NRG2: variants seen among roughly 807,000 people sequenced by gnomAD.
NRG2 encodes pro-neuregulin-2, membrane-bound isoform.
In NRG2, 27 loss-of-function variants were observed where a neutral mutation model predicts 73.9. That is an observed-to-expected ratio of 0.37 (90% CI 0.27 to 0.50). The LOEUF is 0.50. NRG2 is among the 20% of genes least tolerant of loss of function. The pLI is 0.96. For synonymous variants in NRG2, 532 were observed against 541.0 expected (o/e 0.98, Z 0.23); for missense variants, 1,126 against 1,210.1 (o/e 0.93, Z 1.03).
chr5:139,899,831 A>G (rs926993825), intron 1 of NRG2, among the ~76,000 whole-genome samples: 3 of 152,332 alleles, frequency 2.0e-5, no homozygotes, highest in African/African-American at 7.2e-5. Context: ...GCCCAGAGCC[A>G]GGTGGACTGT....
intron 1 of NRG2, among the ~76,000 whole-genome samples, chr5:139,939,413 T>C (rs59552426): frequency 0.013 from 2,033 of 152,114 alleles, 71 homozygotes; most frequent in African/African-American, 0.047. Flanking sequence ...TAGCTGGGAT[T>C]ACAGGCATGA....
At chr5:139,968,833 A>G (rs1391947387) in intron 1 of NRG2, among the ~76,000 whole-genome samples, 1 of 152,218 alleles carries the variant, frequency 6.6e-6, no homozygotes, top group Non-Finnish European at 1.5e-5. Context: ...AAGGCAGCAG[A>G]CCTTTCCAAA....
chr5:139,869,183 C>T lies in NRG2; in HGVS notation c.1112+2538G>A, dbSNP rs569097524. ...CTTTTGGCACTGAATTCCAGAAAAA[C>T]AGGAGGGACGGAGTGTGCCTGCTTT... On this transcript the variant is annotated intron_variant, in intron 4 of 9. Coordinates refer to ENST00000361474, the MANE Select transcript of NRG2 (RefSeq NM_004883.3). This position sits in a 1 kb window ranked among gnomAD's most constrained non-coding sequence, Gnocchi z 4.5. Among the ~76,000 whole-genome samples the T allele has an allele frequency of 1.2e-4, 18 of 152,086 alleles. No individual in the cohort carries two copies. The South Asian group carries it at 3.5e-3, about 30-fold the overall frequency.
chr5:139,864,134 G>C (rs1351643913), intron 5 of NRG2, among the ~76,000 whole-genome samples: 2 of 152,150 alleles, frequency 1.3e-5, no homozygotes, highest in Admixed American at 1.3e-4. Context: ...GAGGAGGTCG[G>C]GGGGCACGCA....
intron 1 of NRG2, among the ~76,000 whole-genome samples, chr5:140,041,259 G>T (rs1414372384): frequency 5.3e-5 from 8 of 152,118 alleles, no homozygotes; most frequent in Non-Finnish European, 7.4e-5. Flanking sequence ...AAGTCATACC[G>T]CATGCCAACA....
At chr5:139,889,157 G>GT (rs1237400643) in intron 1 of NRG2, among the ~76,000 whole-genome samples, 5 of 152,242 alleles carry the variant, frequency 3.3e-5, no homozygotes, top group Middle Eastern at 3.4e-3. Context: ...AGTTAAAGAA[G>GT]TATCTATCAA....
intron 1 of NRG2, among the ~76,000 whole-genome samples, chr5:139,907,353 C>A (rs1371601399): frequency 6.6e-6 from 1 of 152,128 alleles, no homozygotes; most frequent in South Asian, 2.1e-4. Context: ...TTTGATGTAT[C>A]CCTCTAAGAA....
chr5:140,000,043 T>C (rs1267045705), intron 1 of NRG2, among the ~76,000 whole-genome samples: 4 of 152,194 alleles, frequency 2.6e-5, no homozygotes, highest in African/African-American at 9.7e-5. Flanking sequence ...GTAATACTCT[T>C]AGGTTTTTAA....
intron 1 of NRG2, among the ~76,000 whole-genome samples, chr5:140,036,519 T>G (rs1435002235): frequency 6.6e-6 from 1 of 152,226 alleles, no homozygotes; most frequent in Non-Finnish European, 1.5e-5. Context: ...TAAAAGTCAT[T>G]GTTCAAACTT....
chr5:139,958,161 A>C (rs1474769040), intron 1 of NRG2, among the ~76,000 whole-genome samples: 3 of 152,158 alleles, frequency 2.0e-5, no homozygotes, highest in Non-Finnish European at 4.4e-5. Flanking sequence ...CCTCAGTCTT[A>C]CAGCCTGTGA....
intron 5 of NRG2, among the ~76,000 whole-genome samples, chr5:139,858,560 C>T (rs73269500): frequency 0.053 from 8,020 of 152,188 alleles, 552 homozygotes; most frequent in African/African-American, 0.15. Context: ...AAATTCTGTT[C>T]CATAGATGTT....
chr5:139,961,747 A>AG (rs1755080494), intron 1 of NRG2, among the ~76,000 whole-genome samples: 1 of 152,180 alleles, frequency 6.6e-6, no homozygotes, highest in South Asian at 2.1e-4. Flanking sequence ...AGGTGAAAGC[A>AG]GGGCTGGCAA....
At chr5:139,991,640 G>A (rs1050044048) in intron 1 of NRG2, among the ~76,000 whole-genome samples, 1 of 151,980 alleles carries the variant, frequency 6.6e-6, no homozygotes, top group African/African-American at 2.4e-5. Context: ...CTGGTGATCT[G>A]CCCACCTCAG....
intron 1 of NRG2, among the ~76,000 whole-genome samples, chr5:140,006,276 G>A (rs865977822): frequency 2.0e-4 from 30 of 152,118 alleles, no homozygotes; most frequent in Admixed American, 4.6e-4. Flanking sequence ...GTTCAGCTTC[G>A]GTAGAAGCCT....
intron 1 of NRG2, among the ~76,000 whole-genome samples, chr5:140,021,401 T>C (rs1760211077): frequency 6.6e-6 from 1 of 152,252 alleles, no homozygotes; most frequent in Admixed American, 6.5e-5. Flanking sequence ...CTCTGAATTT[T>C]GAAGTTCTGC....
chr5:139,987,367 CA>C lies in NRG2; in HGVS notation c.700+55002del, dbSNP rs34895532. 7.5e-3 allele frequency among the ~76,000 whole-genome samples: 248 copies of C among 33,226 alleles called. 1 individual carries two copies. Among genetic ancestry groups the C allele is most frequent in the East Asian group, 0.039 (45 of 1,144 alleles). 21.8% of individuals were successfully genotyped at this position (33,226 alleles called of 152,430 possible). A position where few individuals can be genotyped will look rare whatever the true frequency, so the allele number is the denominator to read the frequency against. On this transcript the variant is annotated intron_variant, in intron 1 of 9. Coordinates refer to ENST00000361474, the MANE Select transcript of NRG2 (RefSeq NM_004883.3). ...TGGGTGACAGAGCAAGACTCTGTCT[CA>C]AAAAAAAAAAAAAAAAAAAAAAAAG...
At position 139,851,455 on chromosome 5, in the gene NRG2, T is replaced by A; in HGVS notation, c.1772+149A>T. ...CATGCCGATGGCTCTGAGCAGGCCA[T>A]TTCACCTTTTCTAGGACCTTGTTTT... On this transcript the variant is annotated intron_variant, in intron 9 of 9. Coordinates refer to ENST00000361474, the MANE Select transcript of NRG2 (RefSeq NM_004883.3). This position sits in a 1 kb window ranked among gnomAD's most constrained non-coding sequence, Gnocchi z 4.2. 1.3e-6 allele frequency: 1 copy of A among 747,170 alleles called. No individual in the cohort carries two copies. The highest frequency in any genetic ancestry group is 1.8e-5 in the South Asian group (1 of 54,812). The allele number at this position is 747,170 out of a possible 1,614,324, so 46.3% of individuals were successfully genotyped here.
intron 1 of NRG2, among the ~76,000 whole-genome samples, chr5:140,029,774 G>T (rs1021886296): frequency 2.6e-5 from 4 of 151,644 alleles, no homozygotes; most frequent in African/African-American, 9.7e-5. Flanking sequence ...CATAAATTGA[G>T]AGGAGAACCA....
intron 1 of NRG2, among the ~76,000 whole-genome samples, chr5:139,959,748 G>A (rs1416002374): frequency 3.9e-5 from 6 of 152,000 alleles, no homozygotes; most frequent in Non-Finnish European, 8.8e-5. Flanking sequence ...CCTGACCTCA[G>A]ATGATCTGCC....
Sources: gnomAD v4.1 joint callset for allele counts (sites outside exome capture counted in the v4.1 genomes callset) on GRCh38, gnomAD v4.1.1 for gene constraint, Gnocchi (gnomAD v3.1) non-coding constraint, MANE v1.5 for transcripts, NCBI Gene and HGNC (gene_info 2026-07-23, HGNC 2026-07-21) for gene names.